The following VEPH1 variants were observed in gnomAD, a reference collection of about 807,000 sequenced individuals.
The protein encoded by VEPH1 is ventricular zone-expressed PH domain-containing protein homolog 1.
In VEPH1, 80 loss-of-function variants were observed where a neutral mutation model predicts 85.2. The ratio of observed to expected loss-of-function variants is 0.94; its 90% confidence interval spans 0.78 to 1.13. The LOEUF is 1.13. Ranked by LOEUF, VEPH1 falls within the 50% of genes most tolerant of loss-of-function variation. The pLI is 0.00. For missense variants in VEPH1, 955 were observed against 980.5 expected, an observed-to-expected ratio of 0.97 and a Z score of 0.35; for synonymous variants, 297 against 348.0, an observed-to-expected ratio of 0.85 and a Z score of 1.63.
At chr3:157,289,785 A>G (rs1717246946) in intron 11 of VEPH1, among the ~76,000 whole-genome samples, 1 of 152,204 alleles carries the variant, frequency 6.6e-6, no homozygotes, top group Non-Finnish European at 1.5e-5. Flanking sequence ...AACTTTCTTT[A>G]AGATAACTAG....
chr3:157,274,036 C>T (rs968575202), intron 12 of VEPH1, among the ~76,000 whole-genome samples: 3 of 152,192 alleles, frequency 2.0e-5, no homozygotes, highest in African/African-American at 4.8e-5. Flanking sequence ...CTGACTGGTC[C>T]TGGACAAGCT....
chr3:157,452,186 A>G (rs115380581), intron 4 of VEPH1, among the ~76,000 whole-genome samples: 1,897 of 152,242 alleles, frequency 0.012, 45 homozygotes, highest in African/African-American at 0.04. Context: ...GAGCACATGC[A>G]GGGGAGGGCA....
At chr3:157,309,749 AATTG>A (rs1719892866) in intron 11 of VEPH1, among the ~76,000 whole-genome samples, 1 of 151,910 alleles carries the variant, frequency 6.6e-6, no homozygotes, top group Non-Finnish European at 1.5e-5. Context: ...TGCAAAAGAT[AATTG>A]ATTGAATTTA....
chr3:157,288,553 T>C (rs1717071860), intron 11 of VEPH1, among the ~76,000 whole-genome samples: 1 of 152,150 alleles, frequency 6.6e-6, no homozygotes, highest in Admixed American at 6.5e-5. Context: ...ATTAATGGAT[T>C]AGCATTGGTT....
At chr3:157,379,585 G>T (rs536046206) in intron 7 of VEPH1, among the ~76,000 whole-genome samples, 93 of 152,184 alleles carry the variant, frequency 6.1e-4, no homozygotes, top group Admixed American at 1.6e-3. Flanking sequence ...GGACCTCCAG[G>T]CTCTACACCA....
Position 157,437,630 on chromosome 3 carries a change from G to C in VEPH1, c.530-9142C>G, listed in dbSNP as rs148943471. ...CAAGCCACGGACGACGTCCTGCGGG[G>C]CGAGCTGCAGAGGCTGCGGGAGGAG... On this transcript the variant is annotated intron_variant, in intron 4 of 13. Transcript: ENST00000362010. The C allele has an allele frequency of 3.0e-3, 4,724 of 1,555,518 alleles. 61 individuals carry two copies. Among genetic ancestry groups the C allele is most frequent in the South Asian group, 0.024 (2,008 of 84,522 alleles).
intron 13 of VEPH1, among the ~76,000 whole-genome samples, chr3:157,263,580 TTTC>T (rs1713204082): frequency 6.6e-6 from 1 of 152,282 alleles, no homozygotes; most frequent in South Asian, 2.1e-4. Flanking sequence ...GCTAAAAAAA[TTTC>T]TTTAAGTTTC....
At chr3:157,395,551 A>C (rs142626434) in intron 6 of VEPH1, among the ~76,000 whole-genome samples, 159 of 152,180 alleles carry the variant, frequency 1.0e-3, no homozygotes, top group Non-Finnish European at 1.6e-3. Flanking sequence ...GAATGGTGTC[A>C]ACAGAGTGGG....
intron 9 of VEPH1, among the ~76,000 whole-genome samples, chr3:157,323,396 C>T (rs1051374658): frequency 1.1e-4 from 17 of 152,150 alleles, no homozygotes; most frequent in African/African-American, 4.1e-4. Context: ...AACTGACCTG[C>T]ACTGAAGGAA....
At chr3:157,273,527 C>CA (rs1448545717) in intron 12 of VEPH1, among the ~76,000 whole-genome samples, 2 of 151,448 alleles carry the variant, frequency 1.3e-5, no homozygotes, top group East Asian at 3.9e-4. Flanking sequence ...GTCATTGAGC[C>CA]AAAAAAAGAA....
intron 2 of VEPH1, among the ~76,000 whole-genome samples, chr3:157,484,967 G>A (rs991746042): frequency 2.0e-5 from 3 of 152,026 alleles, no homozygotes; most frequent in African/African-American, 2.4e-5. Flanking sequence ...GCCCTCAATT[G>A]TATTACTTAT....
intron 6 of VEPH1, among the ~76,000 whole-genome samples, chr3:157,401,081 A>T (rs868389974): frequency 6.6e-6 from 1 of 152,148 alleles, no homozygotes; most frequent in African/African-American, 2.4e-5. Context: ...GAATTGAAAA[A>T]TTTCTAGAGA....
intron 11 of VEPH1, among the ~76,000 whole-genome samples, chr3:157,296,119 C>T (rs1718102589): frequency 6.6e-6 from 1 of 152,026 alleles, no homozygotes; most frequent in African/African-American, 2.4e-5. Context: ...CATCTGATAA[C>T]ATTTAGGTAA....
intron 12 of VEPH1, among the ~76,000 whole-genome samples, chr3:157,281,568 C>A (rs1339818603): frequency 1.3e-5 from 2 of 151,568 alleles, no homozygotes; most frequent in Non-Finnish European, 2.9e-5. Context: ...GAGATGGAGT[C>A]TCGCTTGCCA....
At chr3:157,340,839 A>G (rs1354167012) in intron 9 of VEPH1, among the ~76,000 whole-genome samples, 1 of 152,176 alleles carries the variant, frequency 6.6e-6, no homozygotes, top group Non-Finnish European at 1.5e-5. Context: ...CCAGAGGAAC[A>G]TTCAGGCAGC....
intron 4 of VEPH1, among the ~76,000 whole-genome samples, chr3:157,457,097 T>G (rs576012210): frequency 6.6e-6 from 1 of 152,314 alleles, no homozygotes. Flanking sequence ...AACTCCCTGG[T>G]TAGCTGGATT....
At chr3:157,399,880 C>G (rs1690214085) in intron 6 of VEPH1, among the ~76,000 whole-genome samples, 1 of 151,982 alleles carries the variant, frequency 6.6e-6, no homozygotes, top group African/African-American at 2.4e-5. Context: ...GTAGATAATT[C>G]TCCAACTTTG....
At chr3:157,425,681 G>C (rs1445835822) in intron 5 of VEPH1, among the ~76,000 whole-genome samples, 2 of 152,140 alleles carry the variant, frequency 1.3e-5, no homozygotes, top group African/African-American at 2.4e-5. Context: ...TAAGCAGAAG[G>C]CACTTGCCTT....
chr3:157,375,847 A>G (rs1197212755), intron 7 of VEPH1, among the ~76,000 whole-genome samples: 1 of 152,182 alleles, frequency 6.6e-6, no homozygotes, highest in Non-Finnish European at 1.5e-5. Context: ...CATAATCACT[A>G]CCACCATCAC....
Sources: allele counts gnomAD v4.1 joint callset (sites outside exome capture counted in the v4.1 genomes callset), GRCh38; gene constraint gnomAD v4.1.1; transcripts MANE v1.5; gene names NCBI Gene and HGNC (gene_info 2026-07-23, HGNC 2026-07-21).